Variants in DENND5B observed in about 807,000 individuals in gnomAD.
DENND5B encodes the protein DENN domain containing 5B, also known as DENN domain-containing protein 5B.
In DENND5B, 34 loss-of-function variants were observed where a neutral mutation model predicts 140.6. The ratio of observed to expected loss-of-function variants is 0.24; its 90% CI spans 0.18 to 0.32. The LOEUF (loss-of-function observed/expected upper bound fraction) is 0.32. Ranked by LOEUF, DENND5B falls within the 10% of genes least tolerant of loss-of-function variation. DENND5B has a pLI of 1.00. For synonymous variants in DENND5B, 551 were observed against 562.1 expected (o/e 0.98, Z 0.28); for missense variants, 1,142 against 1,560.2 (o/e 0.73, Z 4.52).
At chr12:31,414,452 G>A (rs1049174376) in intron 12 of DENND5B, among the ~76,000 whole-genome samples, 1 of 152,120 alleles carries the variant, frequency 6.6e-6, no homozygotes, top group African/African-American at 2.4e-5. Context: ...ATTATTTGCA[G>A]AATTTTTCTT....
At chr12:31,513,911 C>G (rs889538855) in intron 1 of DENND5B, among the ~76,000 whole-genome samples, 19 of 150,838 alleles carry the variant, frequency 1.3e-4, no homozygotes, top group Non-Finnish European at 2.5e-4. Context: ...AATCATTGTT[C>G]ATGGTAACCT....
At chr12:31,449,300 T>G (rs546949106) in intron 5 of DENND5B, among the ~76,000 whole-genome samples, 3 of 152,342 alleles carry the variant, frequency 2.0e-5, no homozygotes, top group South Asian at 4.1e-4. Flanking sequence ...CTTATTCACT[T>G]TAAGTAGTTC....
chr12:31,557,372 T>G (rs1782085454), intron 1 of DENND5B, among the ~76,000 whole-genome samples: 1 of 152,120 alleles, frequency 6.6e-6, no homozygotes, highest in Non-Finnish European at 1.5e-5. Context: ...GTTATATTCA[T>G]ATTCATTTTT....
chr12:31,497,117 C>A (rs531892522), intron 1 of DENND5B, among the ~76,000 whole-genome samples: 7 of 148,738 alleles, frequency 4.7e-5, no homozygotes, highest in African/African-American at 7.4e-5. Flanking sequence ...AAAAAAAAAA[C>A]CACCTTGGAA....
chr12:31,529,332 T>TC (rs1378281519), intron 1 of DENND5B, among the ~76,000 whole-genome samples: 1 of 151,950 alleles, frequency 6.6e-6, no homozygotes, highest in Non-Finnish European at 1.5e-5. Flanking sequence ...ACCCAGCAGT[T>TC]CTCTAAGAAA....
At chr12:31,433,424 C>A (rs1391280321) in intron 7 of DENND5B, among the ~76,000 whole-genome samples, 176 bp from the exon 8 acceptor site, 2 of 152,050 alleles carry the variant, frequency 1.3e-5, no homozygotes, top group African/African-American at 4.8e-5. Flanking sequence ...AAACATACAA[C>A]CAAACGGTTT....
chr12:31,408,943 A>G (rs1942286494), intron 14 of DENND5B, among the ~76,000 whole-genome samples: 1 of 152,202 alleles, frequency 6.6e-6, no homozygotes, highest in Non-Finnish European at 1.5e-5. Context: ...TGCAGTCTCA[A>G]TGAAATCCTC....
At chr12:31,493,404 A>G (rs1350413174) in intron 2 of DENND5B, among the ~76,000 whole-genome samples, 1 of 152,214 alleles carries the variant, frequency 6.6e-6, no homozygotes, top group East Asian at 1.9e-4. Context: ...TTAAAATACT[A>G]AAAAAGAGGC....
At position 31,448,295 on chromosome 12, in the gene DENND5B, C is replaced by T. The variant is rs1170083268; in HGVS notation, c.1630-526G>A. On this transcript the variant is annotated intron_variant, in intron 5 of 20. Transcript: ENST00000389082. ...GACTACAGGCGCCTGCCACCACGCC[C>T]GGCTAATTTTTTTGAATTTTTAGTA... Among the ~76,000 whole-genome samples, 8 of 152,078 alleles carry T rather than the reference C, an allele frequency of 5.3e-5. No homozygotes were observed. The East Asian group carries it at 5.8e-4, about 11-fold the overall frequency.
chr12:31,394,753 A>G (rs1298449508), intron 17 of DENND5B, among the ~76,000 whole-genome samples: 1 of 151,920 alleles, frequency 6.6e-6, no homozygotes, highest in African/African-American at 2.4e-5. Context: ...AGCTGGGACT[A>G]TTGACACCTG....
chr12:31,409,462 T>C, intron 13 of DENND5B, 78 bp from the exon 14 acceptor site: 2 of 831,352 alleles, frequency 2.4e-6, no homozygotes, highest in Non-Finnish European at 3.1e-6. Context: ...TATCATGTAC[T>C]TTTCATTATG....
chr12:31,431,779 CA>C (rs34515544), intron 8 of DENND5B, among the ~76,000 whole-genome samples: 2,539 of 151,886 alleles, frequency 0.017, 74 homozygotes, highest in African/African-American at 0.058. Flanking sequence ...ATCTAGCACA[CA>C]AAAAAAATCC....
chr12:31,569,961 T>C (rs980966275), intron 1 of DENND5B, among the ~76,000 whole-genome samples: 9 of 146,352 alleles, frequency 6.1e-5, no homozygotes, highest in African/African-American at 1.8e-4. Context: ...TTTGGGAGGC[T>C]GAGGCAGGCA....
rs148921180 is a variant in DENND5B at position 31,421,406 on chromosome 12, T to C, written c.2470+2191A>G. On this transcript the variant is annotated intron_variant, in intron 11 of 20. Transcript: ENST00000389082. ...AATGCAGACTGTTTATTGCCATTCA[T>C]TAGGAAGCTTAATAATTGGCAAAAA... Among the ~76,000 whole-genome samples, 594 of 152,312 alleles carry C rather than the reference T, an allele frequency of 3.9e-3. 5 individuals carry two copies. Among genetic ancestry groups the C allele is most frequent in the African/African-American group, 0.013 (558 of 41,582 alleles).
chr12:31,506,922 CT>C (rs1374117836), intron 1 of DENND5B, among the ~76,000 whole-genome samples: 3 of 152,306 alleles, frequency 2.0e-5, no homozygotes, highest in African/African-American at 7.2e-5. Flanking sequence ...AGAGTTTTTA[CT>C]GGCTTTACTA....
intron 1 of DENND5B, among the ~76,000 whole-genome samples, chr12:31,518,360 C>T (rs1331220983): frequency 6.6e-6 from 1 of 152,156 alleles, no homozygotes; most frequent in Non-Finnish European, 1.5e-5. Flanking sequence ...CATGGTTTGC[C>T]TAAGGTGAGA....
At chr12:31,458,152 T>C (rs1236322563) in intron 4 of DENND5B, among the ~76,000 whole-genome samples, 1 of 152,220 alleles carries the variant, frequency 6.6e-6, no homozygotes, top group Non-Finnish European at 1.5e-5. Context: ...CTGTAGGAGC[T>C]TTCAGAATCC....
At chr12:31,448,293 C>T (rs1944360230) in intron 5 of DENND5B, among the ~76,000 whole-genome samples, 1 of 152,158 alleles carries the variant, frequency 6.6e-6, no homozygotes, top group Non-Finnish European at 1.5e-5. Flanking sequence ...TGCCACCACG[C>T]CCGGCTAATT....
intron 9 of DENND5B, 88 bp from the exon 10 acceptor site, chr12:31,424,775 C>T: frequency 6.6e-7 from 1 of 1,508,454 alleles, no homozygotes. Context: ...ACTTGGTTTC[C>T]CTTCATTATA....
Sources: allele counts gnomAD v4.1 joint callset (sites outside exome capture counted in the v4.1 genomes callset), GRCh38; gene constraint gnomAD v4.1.1; transcripts MANE v1.5; gene names NCBI Gene and HGNC (gene_info 2026-07-23, HGNC 2026-07-21).